Variants in RNASET2 observed in about 807,000 individuals in gnomAD.
RNASET2 encodes the protein ribonuclease T2.
A neutral mutation model predicts 33.9 loss-of-function variants in RNASET2; 28 were observed. That is an observed-to-expected ratio of 0.83 (90% confidence interval 0.61 to 1.13). The LOEUF (loss-of-function observed/expected upper bound fraction) is 1.13. RNASET2 is among the 50% of genes most tolerant of loss of function. The pLI is 0.00. For synonymous variants in RNASET2, 123 were observed against 121.0 expected, an observed-to-expected ratio of 1.02 and a Z score of -0.11; for missense variants, 330 against 319.9, an observed-to-expected ratio of 1.03 and a Z score of -0.24.
intron 6 of RNASET2, 118 bp from the exon 7 acceptor site, chr6:166,934,254 C>A (rs917369698): frequency 1.1e-5 from 8 of 746,120 alleles, no homozygotes; most frequent in African/African-American, 1.0e-4. Context: ...AAAGTGTTTT[C>A]TATGACTTTA....
chr6:166,943,135 A>G (rs373154352), intron 4 of RNASET2, 46 bp from the exon 5 acceptor site: 18 of 1,408,598 alleles, frequency 1.3e-5, no homozygotes, highest in Non-Finnish European at 1.8e-5. Context: ...TCTTAATAAT[A>G]AACTCAAAAC....
At chr6:166,941,182 G>A (rs1778683198) in intron 5 of RNASET2, among the ~76,000 whole-genome samples, 1 of 152,210 alleles carries the variant, frequency 6.6e-6, no homozygotes, top group African/African-American at 2.4e-5. Flanking sequence ...TTTTTTAAGT[G>A]TGTAATTCAA....
At chr6:166,934,744 A>C (rs1778526241) in intron 6 of RNASET2, 1 of 153,852 alleles carries the variant, frequency 6.5e-6, no homozygotes, top group African/African-American at 2.4e-5. Flanking sequence ...ACCACAAAGC[A>C]TATGTGTGTC....
chr6:166,937,928 G>A (rs896682220), intron 6 of RNASET2, among the ~76,000 whole-genome samples: 1 of 152,170 alleles, frequency 6.6e-6, no homozygotes, highest in African/African-American at 2.4e-5. Context: ...GTTAGACTGC[G>A]TTTCATCAGA....
At chr6:166,955,233 A>G (rs1222739740) in intron 1 of RNASET2, among the ~76,000 whole-genome samples, 9 of 127,428 alleles carry the variant, frequency 7.1e-5, no homozygotes, top group East Asian at 4.8e-4. Flanking sequence ...GCACACACGC[A>G]CGCACGCACA....
intron 4 of RNASET2, chr6:166,945,468 TC>T (rs976575351): frequency 1.9e-5 from 3 of 154,260 alleles, no homozygotes; most frequent in African/African-American, 7.2e-5. Context: ...CTCACGGCAG[TC>T]CCCAGCCTCT....
rs201959434 is a variant in RNASET2 at position 166,943,043 on chromosome 6, G to T, written c.308C>A (p.Ser103Ter). The change falls in exon 5 of 9, where the codon TCG becomes TAG. Residue 103 changes from serine to a stop codon, truncating the protein, a stop_gained. Transcript: ENST00000508775. LOFTEE classifies it high-confidence loss of function. ...CCAGAAGCGGCTGCGATTGGGAAAC[G>T]AGTGAATTACGTCAGGCCAGTATGC... ...MRAYWPDVIH[S>*]FPNRSRFWKH... is the part of the protein sequence containing the mutation. 6.2e-7 allele frequency: 1 copy of T among 1,613,662 alleles called. No individual in the cohort carries two copies. The highest frequency in any genetic ancestry group is 1.1e-5 in the South Asian group (1 of 91,028).
In RNASET2 at chr6:166,926,512, C is replaced by T. The variant is rs532433305; in HGVS notation, c.*3076G>A. ...TCGCACCACTGCACTCCAGCCTGGGCGACAGAGTGAGACTCAGTCTCAAAA... is the reference window on the plus strand; with the variant it reads ...TCGCACCACTGCACTCCAGCCTGGGTGACAGAGTGAGACTCAGTCTCAAAA... On this transcript the variant is annotated 3_prime_UTR_variant, in exon 9 of 9. Coordinates refer to ENST00000508775, the MANE Select transcript of RNASET2 (RefSeq NM_003730.6). Among the ~76,000 whole-genome samples the T allele has an allele frequency of 8.0e-5, 11 of 137,544 alleles. No individual in the cohort carries two copies. In the South Asian group the frequency reaches 1.9e-3, roughly 24 times the overall value. The allele number at this position is 137,544 out of a possible 152,430, so 90.2% of individuals were successfully genotyped here. A position where few individuals can be genotyped will look rare whatever the true frequency, so the allele number is the denominator to read the frequency against.
intron 2 of RNASET2, among the ~76,000 whole-genome samples, chr6:166,949,805 T>G (rs549509579): frequency 6.6e-6 from 1 of 152,254 alleles, no homozygotes; most frequent in Non-Finnish European, 1.5e-5. Context: ...CAGCACTCAG[T>G]TCCCAGGCCT....
chr6:166,944,583 T>C (rs1562500081), intron 4 of RNASET2, among the ~76,000 whole-genome samples: 2 of 151,896 alleles, frequency 1.3e-5, no homozygotes, highest in Non-Finnish European at 2.9e-5. Context: ...TACTTCCGTT[T>C]GGGACAATGC....
In RNASET2 at chr6:166,951,998, G is replaced by T. The variant is rs1263612990; in HGVS notation, c.147+490C>A. Among the ~76,000 whole-genome samples, 8 of 152,178 alleles carry T rather than the reference G, an allele frequency of 5.3e-5. No homozygotes were observed. In the East Asian group the frequency reaches 1.5e-3, roughly 29 times the overall value. On this transcript the variant is annotated intron_variant, in intron 2 of 8. Coordinates refer to ENST00000508775, the MANE Select transcript of RNASET2 (RefSeq NM_003730.6). The stretch of plus-strand genomic sequence containing the variant: ...GTCTTTGCAGATGTCATCAAGAAAA[G>T]GTGATACCAGATTAGGGTGGGCCCT...
intron 8 of RNASET2, among the ~76,000 whole-genome samples, chr6:166,930,730 T>G (rs1247991099): frequency 1.4e-5 from 2 of 144,478 alleles, no homozygotes; most frequent in Non-Finnish European, 3.0e-5. Context: ...ACACAGCACA[T>G]GCCCACATAA....
Position 166,956,479 on chromosome 6 carries a change from G to T in RNASET2, c.-297C>A. ...GCGCACGTCCCGGGCTCTGCTTCGC[G>T]ACCCACAGCGACCCCAGCTCCTCCA... On this transcript the variant is annotated 5_prime_UTR_variant, in exon 1 of 9. Coordinates refer to ENST00000508775, the MANE Select transcript of RNASET2 (RefSeq NM_003730.6). The T allele has an allele frequency of 2.2e-6, 1 of 450,636 alleles. No individual in the cohort carries two copies. Among genetic ancestry groups the T allele is most frequent in the Non-Finnish European group, 4.0e-6 (1 of 249,644 alleles). The allele number at this position is 450,636 out of a possible 1,614,324, so 27.9% of individuals were successfully genotyped here. A position where few individuals can be genotyped will look rare whatever the true frequency, so the allele number is the denominator to read the frequency against.
At chr6:166,943,560 G>T in intron 4 of RNASET2, 1 of 329,034 alleles carries the variant, frequency 3.0e-6, no homozygotes. Context: ...AAGAAGGGGA[G>T]GTATGGCTCA....
At chr6:166,950,630 G>A (rs1013867651) in intron 2 of RNASET2, among the ~76,000 whole-genome samples, 4 of 152,222 alleles carry the variant, frequency 2.6e-5, no homozygotes, top group Non-Finnish European at 4.4e-5. Flanking sequence ...TTGACACACC[G>A]AGCAGGGTAC....
Position 166,924,026 on chromosome 6 carries a change from T to G in RNASET2, c.*5562A>C, listed in dbSNP as rs1338019569. The stretch of plus-strand genomic sequence containing the variant: ...AAACAAAAAGTGAAAACAGGCGATC[T>G]GCATGTTTCCTCATCTGGGCGTGGT... On this transcript the variant is annotated 3_prime_UTR_variant, in exon 9 of 9. Coordinates refer to ENST00000508775, the MANE Select transcript of RNASET2 (RefSeq NM_003730.6). 2.6e-5 allele frequency among the ~76,000 whole-genome samples: 4 copies of G among 152,242 alleles called. No individual in the cohort carries two copies.
In RNASET2 at chr6:166,929,619, A is replaced by C. The variant is rs1296660279; in HGVS notation, c.740T>G (p.Phe247Cys). 1 of 1,614,036 alleles carries C rather than the reference A, an allele frequency of 6.2e-7. No individual in the cohort carries two copies. Among genetic ancestry groups the C allele is most frequent in the African/African-American group, 1.3e-5 (1 of 74,908 alleles). Reference protein sequence around the residue: ...GLRVCEDGPVFYPPPKKTKH With the variant: ...GLRVCEDGPVCYPPPKKTKH ...CTTGGTCTTTTTAGGTGGGGGATAG[A>C]AGACTGGGCCATCTTCACAGACTCT... is the stretch of plus-strand genomic sequence containing the variant. Residue 247 changes from phenylalanine to cysteine, a missense_variant, in exon 9 of 9, where the codon TTC (phenylalanine) becomes TGC (cysteine). By Grantham distance (205) the Phe-to-Cys change is radical. Transcript: ENST00000508775.
In RNASET2 at chr6:166,955,304, A is replaced by G. The variant is rs1405463575; in HGVS notation, c.86+793T>C. On this transcript the variant is annotated intron_variant, in intron 1 of 8. Coordinates refer to ENST00000508775, the MANE Select transcript of RNASET2 (RefSeq NM_003730.6). ...ACGACACACACGCACAGACGCGCAC[A>G]CACGACACACACGCACACACACGCA... Among the ~76,000 whole-genome samples, 615 of 29,814 alleles carry G rather than the reference A, an allele frequency of 0.021. 31 individuals are homozygous for G. In the East Asian group the frequency reaches 0.28, roughly 14 times the overall value. The allele number at this position is 29,814 out of a possible 152,430, so 19.6% of individuals were successfully genotyped here. A position where few individuals can be genotyped will look rare whatever the true frequency, so the allele number is the denominator to read the frequency against.
intron 1 of RNASET2, among the ~76,000 whole-genome samples, chr6:166,955,229 ACG>A (rs1424453604): frequency 5.6e-5 from 5 of 89,286 alleles, no homozygotes; most frequent in South Asian, 4.4e-4. Context: ...ACGCGCACAC[ACG>A]CACGCACGCA....
Sources: gnomAD v4.1 joint callset for allele counts (sites outside exome capture counted in the v4.1 genomes callset) on GRCh38, gnomAD v4.1.1 for gene constraint, MANE v1.5 for transcripts, NCBI Gene and HGNC (gene_info 2026-07-23, HGNC 2026-07-21) for gene names.